The following BIRC6 variants were observed in gnomAD, a reference collection of about 807,000 sequenced individuals.
BIRC6 encodes the protein baculoviral IAP repeat containing 6.
In BIRC6, 98 loss-of-function variants were observed where a neutral mutation model predicts 503.3. The ratio of observed to expected loss-of-function variants is 0.19; its 90% confidence interval spans 0.17 to 0.23. The LOEUF (loss-of-function observed/expected upper bound fraction) is 0.23. Among genes scored for constraint, BIRC6 ranks in the 10% least tolerant of loss-of-function variants. The probability of loss-of-function intolerance (pLI) is 1.00; values close to 1 mark genes in which losing one functional copy is unlikely to be tolerated. For synonymous variants in BIRC6, 2,240 were observed against 2,078.7 expected (o/e 1.08, Z -2.11); for missense variants, 5,360 against 5,806.0 (o/e 0.92, Z 2.50).
intron 2 of BIRC6, chr2:32,378,902 ATCCTGCAGTT>A (rs1219694468): frequency 6.6e-6 from 1 of 152,128 alleles, no homozygotes; most frequent in Non-Finnish European, 1.5e-5. Context: ...GTGGCTTCAT[ATCCTGCAGTT>A]TGAAAGTACA....
chr2:32,461,048 T>TCTCCTCTCCTCTCC (rs1558789645), intron 23 of BIRC6, among the ~76,000 whole-genome samples: 5 of 61,346 alleles, frequency 8.2e-5, no homozygotes, highest in Non-Finnish European at 1.6e-4. Flanking sequence ...TTCTCTTCTC[T>TCTCCTCTCCTCTCC]TCTCTTCTCT....
chr2:32,613,547 A>G (rs1177523918), intron 73 of BIRC6, among the ~76,000 whole-genome samples: 2 of 151,748 alleles, frequency 1.3e-5, no homozygotes, highest in African/African-American at 4.8e-5. Flanking sequence ...TGCCCAGCTA[A>G]TTTTTGCATT....
At position 32,395,560 on chromosome 2, in the gene BIRC6, G is replaced by A. The variant is rs1169230720; in HGVS notation, c.1001G>A (p.Cys334Tyr). The A allele has an allele frequency of 1.2e-6, 2 of 1,613,128 alleles. No homozygotes were observed. Among genetic ancestry groups the A allele is most frequent in the Non-Finnish European group, 1.7e-6 (2 of 1,179,362 alleles). The change falls in exon 6 of 74, where the codon TGC (cysteine) becomes TAC (tyrosine). Residue 334 changes from cysteine to tyrosine, a missense_variant. Cys to Tyr is a radical substitution (Grantham distance 194, BLOSUM62 -2). Coordinates refer to ENST00000421745, the MANE Select transcript of BIRC6 (RefSeq NM_016252.4). ...GCCATGTGTTTTACTTGTAGTGTAT[G>A]CCTCGTTTGTTGGGAACCTACTGAT... Reference protein sequence around the residue: ...DRAMCFTCSVCLVCWEPTDEP... With the variant: ...DRAMCFTCSVYLVCWEPTDEP...
chr2:32,550,112 C>T (rs962000705), intron 65 of BIRC6, among the ~76,000 whole-genome samples: 3 of 152,124 alleles, frequency 2.0e-5, no homozygotes, highest in African/African-American at 2.4e-5. Flanking sequence ...AAGCAGTTAA[C>T]ATCTATTTCT....
At chr2:32,461,766 C>T (rs1023389571) in intron 23 of BIRC6, among the ~76,000 whole-genome samples, 1 of 151,966 alleles carries the variant, frequency 6.6e-6, no homozygotes, top group Non-Finnish European at 1.5e-5. Flanking sequence ...CCCCTTTATC[C>T]ACTACCTATG....
intron 41 of BIRC6, 76 bp from the exon 42 acceptor site, chr2:32,488,512 A>G (rs1033049408): frequency 1.6e-6 from 2 of 1,260,468 alleles, no homozygotes; most frequent in Admixed American, 3.3e-5. Context: ...GAATTTAAAC[A>G]TAAGATTTTT....
chr2:32,444,910 A>G (rs1182245936), intron 20 of BIRC6, among the ~76,000 whole-genome samples: 2 of 152,224 alleles, frequency 1.3e-5, no homozygotes, highest in Non-Finnish European at 2.9e-5. Flanking sequence ...GATAGTCTCT[A>G]ATGTTTAAAA....
intron 10 of BIRC6, among the ~76,000 whole-genome samples, chr2:32,418,625 C>T (rs1248238291): frequency 6.6e-6 from 1 of 152,202 alleles, no homozygotes; most frequent in African/African-American, 2.4e-5. Context: ...ACCTAGGTGA[C>T]ATGGCACCCC....
At chr2:32,514,091 T>G (rs547988800) in intron 54 of BIRC6, among the ~76,000 whole-genome samples, 1 of 151,918 alleles carries the variant, frequency 6.6e-6, no homozygotes, top group Admixed American at 6.6e-5. Flanking sequence ...GGAGCTGAGA[T>G]GGGAGGATCA....
intron 22 of BIRC6, among the ~76,000 whole-genome samples, chr2:32,452,058 G>T (rs1449390917): frequency 3.3e-5 from 5 of 152,126 alleles, no homozygotes; most frequent in African/African-American, 1.2e-4. Context: ...TAAGATTTCA[G>T]ATACCACATT....
At chr2:32,388,024 C>T (rs764976385) in intron 3 of BIRC6, among the ~76,000 whole-genome samples, 11 of 152,072 alleles carry the variant, frequency 7.2e-5, no homozygotes, top group Non-Finnish European at 1.3e-4. Flanking sequence ...ACATATCTAT[C>T]AACTCACCTA....
chr2:32,550,087 A>G (rs2058324951), intron 65 of BIRC6, among the ~76,000 whole-genome samples: 1 of 152,176 alleles, frequency 6.6e-6, no homozygotes, highest in South Asian at 2.1e-4. Context: ...ATGTATAGAT[A>G]TTTCCAAGAG....
At chr2:32,372,214 T>C (rs897731588) in intron 1 of BIRC6, among the ~76,000 whole-genome samples, 29 of 152,262 alleles carry the variant, frequency 1.9e-4, no homozygotes, top group Middle Eastern at 3.4e-3. Context: ...CATGCATAGA[T>C]TGATGTAACC....
At chr2:32,487,568 C>G in intron 40 of BIRC6, 79 bp from the exon 41 acceptor site, 1 of 1,246,802 alleles carries the variant, frequency 8.0e-7, no homozygotes, top group Non-Finnish European at 1.1e-6. Context: ...ACAATTTAAC[C>G]TATTTATACA....
chr2:32,524,815 C>A, intron 57 of BIRC6, 73 bp from the exon 58 acceptor site: 3 of 1,056,622 alleles, frequency 2.8e-6, no homozygotes, highest in Non-Finnish European at 3.8e-6. Context: ...CATAATCTCC[C>A]TCTGAAACAT....
At chr2:32,608,235 G>A (rs1371546396) in intron 72 of BIRC6, among the ~76,000 whole-genome samples, 1 of 150,804 alleles carries the variant, frequency 6.6e-6, no homozygotes, top group South Asian at 2.2e-4. Context: ...TGAGGCTGCA[G>A]TAAGCTGTGT....
intron 10 of BIRC6, among the ~76,000 whole-genome samples, chr2:32,417,926 C>T (rs569779063): frequency 3.9e-4 from 60 of 152,194 alleles, no homozygotes; most frequent in Non-Finnish European, 7.4e-4. Context: ...ACCACAGGTG[C>T]GCGTCACCAC....
chr2:32,542,118 A>C (rs926039337), intron 61 of BIRC6, among the ~76,000 whole-genome samples: 13 of 145,196 alleles, frequency 9.0e-5, no homozygotes, highest in African/African-American at 2.5e-4. Context: ...AATTATGTCT[A>C]TATATATATA....
intron 53 of BIRC6, among the ~76,000 whole-genome samples, chr2:32,511,476 ATTTTTTTTTTTTTT>A (rs1166383796): frequency 3.7e-5 from 3 of 80,154 alleles, no homozygotes; most frequent in African/African-American, 9.6e-5. Flanking sequence ...TAACTGACTA[ATTTTTTTTTTTTTT>A]TTTTTTTTTT....
Sources: allele counts gnomAD v4.1 joint callset (sites outside exome capture counted in the v4.1 genomes callset), GRCh38; gene constraint gnomAD v4.1.1; transcripts MANE v1.5; gene names NCBI Gene and HGNC (gene_info 2026-07-23, HGNC 2026-07-21).